The following MGMT variants were observed in gnomAD, a reference collection of about 807,000 sequenced individuals.
The protein encoded by MGMT is O-6-methylguanine-DNA methyltransferase, also known as methylated-DNA--protein-cysteine methyltransferase.
In MGMT, 14 loss-of-function variants were observed where a neutral mutation model predicts 15.9. The ratio of observed to expected loss-of-function variants is 0.88; its 90% CI spans 0.58 to 1.37. The LOEUF (loss-of-function observed/expected upper bound fraction) is 1.37. Among genes scored for constraint, MGMT ranks in the 40% most tolerant of loss-of-function variants. The probability of loss-of-function intolerance (pLI) is 0.00; values close to 1 mark genes in which losing one functional copy is unlikely to be tolerated. For missense variants in MGMT, 282 were observed against 268.1 expected, an observed-to-expected ratio of 1.05 and a Z score of -0.36; for synonymous variants, 130 against 118.2, an observed-to-expected ratio of 1.10 and a Z score of -0.65.
chr10:129,767,903 T>C lies in MGMT; in HGVS notation c.*906T>C, dbSNP rs575082242. The C allele has an allele frequency of 1.3e-5, 2 of 152,408 alleles. No individual in the cohort carries two copies. Among genetic ancestry groups the C allele is most frequent in the East Asian group, 3.9e-4 (2 of 5,186 alleles). The allele number at this position is 152,408 out of a possible 1,614,324, so 9.4% of individuals were successfully genotyped here. On this transcript the variant is annotated 3_prime_UTR_variant, in exon 5 of 5. Coordinates refer to ENST00000651593, the MANE Select transcript of MGMT (RefSeq NM_002412.5). ...ATGGCAGCAGGCAGGGTTTCCAGCA[T>C]GGGCGGTGCGCTGCTGTCTGATACT...
At chr10:129,736,319 C>T (rs895042257) in intron 3 of MGMT, among the ~76,000 whole-genome samples, 2 of 151,686 alleles carry the variant, frequency 1.3e-5, no homozygotes, top group African/African-American at 4.8e-5. Flanking sequence ...TAAGTAATGG[C>T]CTTCTTTGTC....
At chr10:129,561,094 C>G (rs971452631) in intron 2 of MGMT, among the ~76,000 whole-genome samples, 2 of 152,102 alleles carry the variant, frequency 1.3e-5, no homozygotes, top group Non-Finnish European at 2.9e-5. Flanking sequence ...GGAAGGTGCC[C>G]TTTCACCCTC....
At chr10:129,561,472 T>G (rs1370247949) in intron 2 of MGMT, among the ~76,000 whole-genome samples, 1 of 152,214 alleles carries the variant, frequency 6.6e-6, no homozygotes, top group Non-Finnish European at 1.5e-5. Flanking sequence ...CCACACTTGC[T>G]TCTTCAGGTG....
intron 1 of MGMT, among the ~76,000 whole-genome samples, chr10:129,510,664 C>G (rs565726079): frequency 4.6e-5 from 7 of 152,090 alleles, no homozygotes; most frequent in Non-Finnish European, 1.0e-4. Context: ...AATAAAAATT[C>G]GTAAGAAATA....
intron 2 of MGMT, among the ~76,000 whole-genome samples, chr10:129,616,653 T>A (rs1054934997): frequency 6.6e-6 from 1 of 152,160 alleles, no homozygotes; most frequent in African/African-American, 2.4e-5. Context: ...CCAGGAGACA[T>A]CTAGAATCCT....
chr10:129,531,600 G>A (rs1845932618), intron 1 of MGMT, among the ~76,000 whole-genome samples: 1 of 152,126 alleles, frequency 6.6e-6, no homozygotes. Flanking sequence ...TCCTGTAGAG[G>A]CCTCAGCCAT....
At chr10:129,513,583 C>T (rs1845707060) in intron 1 of MGMT, among the ~76,000 whole-genome samples, 4 of 152,058 alleles carry the variant, frequency 2.6e-5, no homozygotes, top group South Asian at 2.1e-4. Context: ...TGGCAGGAAA[C>T]GTGACCCCGC....
intron 2 of MGMT, among the ~76,000 whole-genome samples, chr10:129,578,074 T>C (rs561451419): frequency 0.032 from 4,940 of 152,248 alleles, 124 homozygotes; most frequent in South Asian, 0.063. Flanking sequence ...AACACTTTAA[T>C]ACTGTTGGTG....
At chr10:129,553,804 A>C (rs1436725454) in intron 2 of MGMT, among the ~76,000 whole-genome samples, 1 of 152,134 alleles carries the variant, frequency 6.6e-6, no homozygotes, top group Non-Finnish European at 1.5e-5. Context: ...GCCTGCCCCA[A>C]ACGTGGCCTC....
At chr10:129,716,912 A>G (rs1848305451) in intron 3 of MGMT, among the ~76,000 whole-genome samples, 2 of 152,234 alleles carry the variant, frequency 1.3e-5, no homozygotes, top group Non-Finnish European at 2.9e-5. Context: ...TTGAATGCCA[A>G]TTATATTTTA....
chr10:129,504,825 A>G (rs1042092795), intron 1 of MGMT, among the ~76,000 whole-genome samples: 3 of 152,072 alleles, frequency 2.0e-5, no homozygotes, highest in Non-Finnish European at 4.4e-5. Flanking sequence ...GGGGAGAGAG[A>G]TGTCATCAAA....
At chr10:129,728,037 G>A (rs1848452762) in intron 3 of MGMT, among the ~76,000 whole-genome samples, 1 of 152,138 alleles carries the variant, frequency 6.6e-6, no homozygotes, top group African/African-American at 2.4e-5. Flanking sequence ...GGTCTCACTG[G>A]GGGACAGTGA....
At chr10:129,496,847 A>T (rs1807213) in intron 1 of MGMT, among the ~76,000 whole-genome samples, 32,645 of 151,890 alleles carry the variant, frequency 0.21, 4,137 homozygotes, top group Non-Finnish European at 0.28. Flanking sequence ...TGTTTTGTTA[A>T]TTTTTTTCTT....
intron 2 of MGMT, among the ~76,000 whole-genome samples, chr10:129,651,735 G>A (rs1473387194): frequency 2.0e-5 from 3 of 152,010 alleles, no homozygotes; most frequent in East Asian, 1.9e-4. Context: ...TTTTCATTTC[G>A]TATTTGGTTT....
chr10:129,531,769 CGGGGGCTGGT>C (rs1845934506), intron 1 of MGMT, among the ~76,000 whole-genome samples: 1 of 2,150 alleles, frequency 4.7e-4, no homozygotes, highest in Admixed American at 7.4e-3. Context: ...TTGCTCTTAG[CGGGGGCTGGT>C]GGGGGTGGGG....
At chr10:129,570,235 T>C (rs1233817382) in intron 2 of MGMT, among the ~76,000 whole-genome samples, 4 of 152,282 alleles carry the variant, frequency 2.6e-5, no homozygotes, top group African/African-American at 7.2e-5. Flanking sequence ...AACAAAAGGC[T>C]ATGTTACTTT....
intron 1 of MGMT, among the ~76,000 whole-genome samples, chr10:129,513,960 G>A (rs533280720): frequency 1.3e-5 from 2 of 152,306 alleles, no homozygotes; most frequent in Non-Finnish European, 2.9e-5. Context: ...AATAGGTTAG[G>A]TTCTTAGAGT....
At chr10:129,721,685 A>G (rs891153845) in intron 3 of MGMT, among the ~76,000 whole-genome samples, 1 of 152,236 alleles carries the variant, frequency 6.6e-6, no homozygotes, top group Non-Finnish European at 1.5e-5. Context: ...ATGAACAAGT[A>G]TAATATTTAA....
rs774868799 is a variant in MGMT at position 129,532,262 on chromosome 10, C to T, written c.-12-3979C>T. Among the ~76,000 whole-genome samples the T allele has an allele frequency of 3.9e-5, 6 of 152,218 alleles. No homozygotes were observed. The highest frequency in any genetic ancestry group is 7.3e-5 in the Non-Finnish European group (5 of 68,048). Reference sequence around the variant, plus strand: ...TGCCAGAGCTTTAGGGTCCCTTGGGCCAGCAGCTGGGGTCCTTGGGCATTT... The same window carrying T: ...TGCCAGAGCTTTAGGGTCCCTTGGGTCAGCAGCTGGGGTCCTTGGGCATTT... On this transcript the variant is annotated intron_variant, in intron 1 of 4. Coordinates refer to ENST00000651593, the MANE Select transcript of MGMT (RefSeq NM_002412.5). The surrounding 1 kb of genome is among the most constrained non-coding windows in gnomAD (Gnocchi z 5.3).
Sources: gnomAD v4.1 joint callset for allele counts (sites outside exome capture counted in the v4.1 genomes callset) on GRCh38, gnomAD v4.1.1 for gene constraint, Gnocchi (gnomAD v3.1) non-coding constraint, MANE v1.5 for transcripts, NCBI Gene and HGNC (gene_info 2026-07-23, HGNC 2026-07-21) for gene names.